LHCGR: variants seen among roughly 807,000 people sequenced by gnomAD.
LHCGR encodes the protein luteinizing hormone/choriogonadotropin receptor.
A neutral mutation model predicts 60.7 loss-of-function variants in LHCGR; 55 were observed. The ratio of observed to expected loss-of-function variants is 0.91; its 90% CI spans 0.73 to 1.13. The LOEUF (loss-of-function observed/expected upper bound fraction) is 1.13. Ranked by LOEUF, LHCGR falls within the 50% of genes most tolerant of loss-of-function variation. LHCGR has a pLI of 0.00. For synonymous variants in LHCGR, 337 were observed against 316.5 expected, an observed-to-expected ratio of 1.06 and a Z score of -0.69; for missense variants, 862 against 836.0, an observed-to-expected ratio of 1.03 and a Z score of -0.38.
intron 6 of LHCGR, chr2:48,721,870 G>C: frequency 4.5e-6 from 2 of 448,084 alleles, no homozygotes; most frequent in South Asian, 1.6e-5. Context: ...AAGAAATGAG[G>C]CCGGGGGGTG....
At chr2:48,710,299 CT>C (rs1667916502) in intron 7 of LHCGR, among the ~76,000 whole-genome samples, 1 of 152,162 alleles carries the variant, frequency 6.6e-6, no homozygotes, top group African/African-American at 2.4e-5. Context: ...AGAAATTTTT[CT>C]TCCTAAACCT....
chr2:48,732,800 A>G, intron 1 of LHCGR: 1 of 526,806 alleles, frequency 1.9e-6, no homozygotes. Context: ...AGGAAATTTC[A>G]TTTCAGAAAA....
At chr2:48,692,547 A>G (rs1287674222) in intron 10 of LHCGR, among the ~76,000 whole-genome samples, 1 of 152,236 alleles carries the variant, frequency 6.6e-6, no homozygotes, top group Admixed American at 6.5e-5. Context: ...AGCCCAGCAC[A>G]GAGCTGTCTT....
At chr2:48,695,592 A>G (rs565528461) in intron 9 of LHCGR, among the ~76,000 whole-genome samples, 8 of 152,212 alleles carry the variant, frequency 5.3e-5, no homozygotes, top group Non-Finnish European at 1.2e-4. Flanking sequence ...CCAAAAAGAC[A>G]TGTGCACTTA....
chr2:48,725,869 C>A (rs1425201633), intron 3 of LHCGR, 119 bp from the exon 4 acceptor site: 13 of 811,896 alleles, frequency 1.6e-5, no homozygotes, highest in African/African-American at 3.4e-5. Context: ...AAGCAGGCGA[C>A]CTTCATATGC....
intron 4 of LHCGR, 111 bp downstream of exon 4, chr2:48,725,565 A>G: frequency 1.3e-6 from 1 of 777,538 alleles, no homozygotes; most frequent in Non-Finnish European, 2.3e-6. Context: ...GAACATGCAA[A>G]TAGTGCCATG....
At chr2:48,747,120 C>T (rs983827759) in intron 1 of LHCGR, among the ~76,000 whole-genome samples, 6 of 151,108 alleles carry the variant, frequency 4.0e-5, no homozygotes, top group African/African-American at 1.5e-4. Context: ...GAGGCAGTCT[C>T]GCTCTGTTGC....
chr2:48,687,659 TTAAGAAC>T lies in LHCGR; in HGVS notation c.*31_*37del, dbSNP rs1250888058. 27 of 1,547,570 alleles carry T rather than the reference TTAAGAAC, an allele frequency of 1.7e-5. No homozygotes were observed. In the Admixed American group the frequency reaches 4.5e-4, roughly 26 times the overall value. On this transcript the variant is annotated 3_prime_UTR_variant, in exon 11 of 11. Transcript: ENST00000294954. ...GTACAGGTAATTTTTTTTTACAGGT[TTAAGAAC>T]AATTCAATAATGCAGTTACTGATGT...
intron 4 of LHCGR, among the ~76,000 whole-genome samples, chr2:48,724,037 G>T (rs1331172224): frequency 2.0e-5 from 3 of 152,070 alleles, no homozygotes; most frequent in Non-Finnish European, 2.9e-5. Context: ...CTTTCTTTTG[G>T]TAATTAGTTT....
At chr2:48,721,122 C>T (rs1668475740) in intron 6 of LHCGR, 1 of 152,424 alleles carries the variant, frequency 6.6e-6, no homozygotes, top group African/African-American at 2.4e-5. Context: ...TTTATGTTTT[C>T]CCCCTCATTG....
chr2:48,719,205 C>T (rs1488827917), intron 6 of LHCGR, among the ~76,000 whole-genome samples: 1 of 152,028 alleles, frequency 6.6e-6, no homozygotes, highest in Non-Finnish European at 1.5e-5. Context: ...GCCTGTGGTC[C>T]CAGCTACTTG....
intron 1 of LHCGR, among the ~76,000 whole-genome samples, chr2:48,743,591 A>G (rs1215837634): frequency 6.6e-6 from 1 of 152,104 alleles, no homozygotes; most frequent in Non-Finnish European, 1.5e-5. Context: ...AAAGACAAAA[A>G]CCACATGATT....
intron 4 of LHCGR, among the ~76,000 whole-genome samples, chr2:48,724,448 C>T (rs970219185): frequency 6.6e-6 from 1 of 152,142 alleles, no homozygotes; most frequent in Non-Finnish European, 1.5e-5. Flanking sequence ...GTCTGTCACC[C>T]TCGTGACAAT....
intron 1 of LHCGR, among the ~76,000 whole-genome samples, chr2:48,746,741 T>C (rs1669725291): frequency 6.6e-6 from 1 of 152,186 alleles, no homozygotes; most frequent in Admixed American, 6.5e-5. Context: ...TCAAAACCCA[T>C]TTAACATTTT....
intron 1 of LHCGR, among the ~76,000 whole-genome samples, chr2:48,755,054 C>T (rs1670145230): frequency 6.6e-6 from 1 of 152,196 alleles, no homozygotes; most frequent in Middle Eastern, 3.4e-3. Context: ...TCACCCTTGG[C>T]CATAGGGCCT....
At chr2:48,743,265 C>T (rs1270045441) in intron 1 of LHCGR, among the ~76,000 whole-genome samples, 1 of 151,422 alleles carries the variant, frequency 6.6e-6, no homozygotes, top group African/African-American at 2.4e-5. Flanking sequence ...ACCAGAGGTA[C>T]AAGGAGGAAC....
rs148647081 is a variant in LHCGR at position 48,721,609 on chromosome 2, C to T, written c.536+1847G>A. 785 of 453,946 alleles carry T rather than the reference C, an allele frequency of 1.7e-3. 6 individuals are homozygous for T. Among genetic ancestry groups the T allele is most frequent in the African/African-American group, 0.015 (716 of 49,354 alleles). The allele number at this position is 453,946 out of a possible 1,614,324, so 28.1% of individuals were successfully genotyped here. On this transcript the variant is annotated intron_variant, in intron 6 of 10. Transcript: ENST00000294954. Reference sequence around the variant, plus strand: ...GTAAAAGTACTATACAAAGGCAGTGCACCAAGGATACCAATTTTTAGAATC... The same window carrying T: ...GTAAAAGTACTATACAAAGGCAGTGTACCAAGGATACCAATTTTTAGAATC...
intron 1 of LHCGR, among the ~76,000 whole-genome samples, chr2:48,736,960 C>T (rs976974489): frequency 2.0e-5 from 3 of 152,140 alleles, no homozygotes; most frequent in Non-Finnish European, 4.4e-5. Flanking sequence ...TTCTCACCTC[C>T]CCTTGGTTTT....
rs546739203 is a variant in LHCGR, at chr2:48,692,149, C to T, written c.947+2075G>A. On this transcript the variant is annotated intron_variant, in intron 10 of 10. Transcript: ENST00000294954. ...AATAAAAAATCTATAGAGACACCGC[C>T]CAAGAATTTGCATTTTAAGTAAGTT... Among the ~76,000 whole-genome samples the T allele has an allele frequency of 1.0e-3, 153 of 152,244 alleles. 4 individuals are homozygous for T. The South Asian group carries it at 0.03, about 30-fold the overall frequency.
Sources: gnomAD v4.1 joint callset for allele counts (sites outside exome capture counted in the v4.1 genomes callset) on GRCh38, gnomAD v4.1.1 for gene constraint, MANE v1.5 for transcripts, NCBI Gene and HGNC (gene_info 2026-07-23, HGNC 2026-07-21) for gene names.